KIRREL1: variants seen among roughly 807,000 people sequenced by gnomAD.
The protein encoded by KIRREL1 is kirre like nephrin family adhesion molecule 1, also known as kin of IRRE-like protein 1.
In KIRREL1, 25 loss-of-function variants were observed where a neutral mutation model predicts 83.3. The ratio of observed to expected loss-of-function variants is 0.30; its 90% CI spans 0.22 to 0.42. The LOEUF (loss-of-function observed/expected upper bound fraction) is 0.42. Among genes scored for constraint, KIRREL1 ranks in the 10% least tolerant of loss-of-function variants. The pLI, the probability that KIRREL1 is intolerant of heterozygous loss-of-function variation, is 1.00. For missense variants in KIRREL1, 812 were observed against 1,032.3 expected (o/e 0.79, Z 2.92); for synonymous variants, 388 against 410.4 (o/e 0.95, Z 0.66).
chr1:158,076,415 T>A (rs1299482360), intron 2 of KIRREL1, among the ~76,000 whole-genome samples, 153 bp downstream of exon 2: 1 of 152,246 alleles, frequency 6.6e-6, no homozygotes, highest in Non-Finnish European at 1.5e-5. Flanking sequence ...GAGCTCCATT[T>A]CTACAGCTTT....
intron 1 of KIRREL1, among the ~76,000 whole-genome samples, chr1:158,034,862 G>A (rs1660431797): frequency 6.6e-6 from 1 of 152,012 alleles, no homozygotes; most frequent in Non-Finnish European, 1.5e-5. Flanking sequence ...AAAATCACAC[G>A]TTTATTTCTC....
intron 1 of KIRREL1, among the ~76,000 whole-genome samples, chr1:158,068,998 C>T (rs1481770667): frequency 3.3e-5 from 5 of 152,146 alleles, no homozygotes; most frequent in African/African-American, 9.7e-5. Flanking sequence ...CATTACTGCT[C>T]GTTTGATAAA....
chr1:158,034,269 CAAAAAAA>C lies in KIRREL1; in HGVS notation c.52+40552_52+40558del, dbSNP rs750353894. The stretch of plus-strand genomic sequence containing the variant: ...TGGGAGAAAGAGCTAGACTCCGTCT[CAAAAAAA>C]AAAAAAAAAAGAAAAAAAGAAAATG... On this transcript the variant is annotated intron_variant, in intron 1 of 14. Coordinates refer to ENST00000359209, the MANE Select transcript of KIRREL1 (RefSeq NM_018240.7). Among the ~76,000 whole-genome samples the C allele has an allele frequency of 6.2e-4, 71 of 113,672 alleles. 1 individual carries two copies. The highest frequency in any genetic ancestry group is 4.4e-3 in the Middle Eastern group (1 of 228). The allele number at this position is 113,672 out of a possible 152,430, so 74.6% of individuals were successfully genotyped here.
intron 1 of KIRREL1, among the ~76,000 whole-genome samples, chr1:158,040,834 G>C (rs545518397): frequency 5.6e-4 from 85 of 152,280 alleles, no homozygotes; most frequent in African/African-American, 1.9e-3. Flanking sequence ...TTGGGAACCT[G>C]GTTATGAAGG....
intron 1 of KIRREL1, among the ~76,000 whole-genome samples, chr1:158,051,696 ATCT>A (rs1384542350): frequency 6.6e-6 from 1 of 152,088 alleles, no homozygotes; most frequent in African/African-American, 2.4e-5. Context: ...TTTTTCTAAA[ATCT>A]TCTCTTCAGT....
chr1:158,056,276 G>A (rs1055037414), intron 1 of KIRREL1, among the ~76,000 whole-genome samples: 4 of 152,168 alleles, frequency 2.6e-5, no homozygotes, highest in Admixed American at 6.5e-5. Flanking sequence ...CTCCTCTCCC[G>A]AGAAGCCCCT....
intron 1 of KIRREL1, among the ~76,000 whole-genome samples, chr1:158,060,418 A>G (rs560638094): frequency 9.2e-5 from 14 of 151,600 alleles, no homozygotes; most frequent in Admixed American, 2.6e-4. Context: ...CATGCATGGG[A>G]CCCTTCTGTC....
chr1:158,030,246 G>C (rs1660287125), intron 1 of KIRREL1, among the ~76,000 whole-genome samples: 1 of 152,186 alleles, frequency 6.6e-6, no homozygotes, highest in South Asian at 2.1e-4. Flanking sequence ...TGAATTTTGT[G>C]ACTTTGGGAC....
At chr1:158,014,231 G>A (rs1422927128) in intron 1 of KIRREL1, among the ~76,000 whole-genome samples, 1 of 151,918 alleles carries the variant, frequency 6.6e-6, no homozygotes, top group Admixed American at 6.6e-5. Context: ...GGGAGGAGGG[G>A]GAGGGAAGAG....
chr1:158,058,533 T>C (rs1323180154), intron 1 of KIRREL1, among the ~76,000 whole-genome samples: 3 of 152,212 alleles, frequency 2.0e-5, no homozygotes, highest in Middle Eastern at 6.8e-3. Flanking sequence ...CCATGGATGT[T>C]GGCAGCCAGC....
rs761586318 is a variant in KIRREL1 at position 158,089,592 on chromosome 1, G to A, written c.1135G>A (p.Gly379Arg). ...YTCRAIVPRIGVAEREVPLYV... is the reference protein window; with the variant it reads ...YTCRAIVPRIRVAEREVPLYV... Reference sequence around the variant, plus strand: ...CTGCCGGGCCATCGTGCCTCGAATCGGAGTGGCTGAGCGGGAGGTGCCGCT... The same window carrying A: ...CTGCCGGGCCATCGTGCCTCGAATCAGAGTGGCTGAGCGGGAGGTGCCGCT... Residue 379 changes from glycine to arginine, a missense_variant, in exon 9 of 15, where the codon GGA (glycine) becomes AGA (arginine). Gly to Arg is a moderately radical substitution (Grantham distance 125). This residue lies in a region of KIRREL1 where 472 missense variants were observed against 626.8 expected (regional missense o/e 0.75). Coordinates refer to ENST00000359209, the MANE Select transcript of KIRREL1 (RefSeq NM_018240.7). 3.7e-6 allele frequency: 6 copies of A among 1,613,878 alleles called. No homozygotes were observed. Among genetic ancestry groups the A allele is most frequent in the Non-Finnish European group, 5.1e-6 (6 of 1,179,870 alleles).
chr1:158,087,793 G>T lies in KIRREL1; in HGVS notation c.700G>T (p.Val234Leu). The T allele has an allele frequency of 3.7e-6, 6 of 1,614,082 alleles. No individual in the cohort carries two copies. The highest frequency in any genetic ancestry group is 5.1e-6 in the Non-Finnish European group (6 of 1,179,986). The change falls in exon 6 of 15, where the codon GTG becomes TTG. Residue 234 changes from valine (V) to leucine (L), a missense_variant. Val to Leu is a conservative substitution (Grantham distance 32). Transcript: ENST00000359209. ...GACCCTGTCCATTGAGCCACAGACG[G>T]TGCAGGAGGGTGAGCGTGTTGTCTT... ...TVTLSIEPQT[V>L]QEGERVVFTC...
intron 1 of KIRREL1, among the ~76,000 whole-genome samples, chr1:158,050,425 C>A (rs1229899505): frequency 2.0e-5 from 3 of 152,056 alleles, no homozygotes; most frequent in Non-Finnish European, 4.4e-5. Context: ...ACTCTGGTCT[C>A]TGTGGACTTA....
Position 158,098,023 on chromosome 1 carries a change from G to C in KIRREL1, c.*2903G>C, listed in dbSNP as rs1445341142. The C allele has an allele frequency of 2.0e-5, 3 of 152,222 alleles. No individual in the cohort carries two copies. The highest frequency in any genetic ancestry group is 4.4e-5 in the Non-Finnish European group (3 of 68,088). The allele number at this position is 152,222 out of a possible 1,614,324, so 9.4% of individuals were successfully genotyped here. On this transcript the variant is annotated 3_prime_UTR_variant, in exon 15 of 15. Coordinates refer to ENST00000359209, the MANE Select transcript of KIRREL1 (RefSeq NM_018240.7). ...ACTGCCCATTGCTGGCAAGGAACTG[G>C]GAACAGTAGCAAGCATGGTGAGGGC...
chr1:158,002,417 C>T (rs1659387074), intron 1 of KIRREL1, among the ~76,000 whole-genome samples: 1 of 152,206 alleles, frequency 6.6e-6, no homozygotes, highest in Non-Finnish European at 1.5e-5. Flanking sequence ...GATACATGTG[C>T]ATTTAGGAGC....
At chr1:158,029,766 G>A (rs1660272878) in intron 1 of KIRREL1, among the ~76,000 whole-genome samples, 1 of 152,340 alleles carries the variant, frequency 6.6e-6, no homozygotes, top group Admixed American at 6.5e-5. Flanking sequence ...TGAGCTTACT[G>A]AGTCTCAGTT....
At chr1:158,089,407 C>T (rs766808401) in intron 8 of KIRREL1, 95 bp from the exon 9 acceptor site, 9 of 1,576,074 alleles carry the variant, frequency 5.7e-6, no homozygotes, top group Non-Finnish European at 7.7e-6. Context: ...TGTGGCCCTT[C>T]CTGCTTTCTT....
rs986957988 is a variant in KIRREL1, at chr1:158,086,882, A to G, written c.661+136A>G. 20 of 789,866 alleles carry G rather than the reference A, an allele frequency of 2.5e-5. No individual in the cohort carries two copies. In the Admixed American group the frequency reaches 2.7e-4, roughly 11 times the overall value. The allele number at this position is 789,866 out of a possible 1,614,324, so 48.9% of individuals were successfully genotyped here. On this transcript the variant is annotated intron_variant, in intron 5 of 14. Transcript: ENST00000359209. The stretch of plus-strand genomic sequence containing the variant: ...CAGGACAAACGCTTGCCTTCTTCAC[A>G]TCTTTCATTCCCTGGATTGAACCAT...
chr1:158,084,630 C>T, intron 4 of KIRREL1, 51 bp downstream of exon 4: 2 of 1,530,654 alleles, frequency 1.3e-6, no homozygotes, highest in Non-Finnish European at 1.8e-6. Context: ...CCCAGCTCAC[C>T]TCTCCTTTCC....
Sources: gnomAD v4.1 joint callset for allele counts (sites outside exome capture counted in the v4.1 genomes callset) on GRCh38, gnomAD v4.1.1 for gene constraint, gnomAD v4.1.1 regional missense constraint, MANE v1.5 for transcripts, NCBI Gene and HGNC (gene_info 2026-07-23, HGNC 2026-07-21) for gene names.